The following SPECC1 variants were observed in gnomAD, a reference collection of about 807,000 sequenced individuals.
The protein encoded by SPECC1 is cytospin-B.
Under a neutral mutation model 104.1 loss-of-function variants are expected in SPECC1, and 62 were observed. The observed-to-expected ratio is 0.60, with a 90% CI of 0.49 to 0.74. The LOEUF (loss-of-function observed/expected upper bound fraction) is 0.74, where lower values mean the gene tolerates loss of function less well. SPECC1 is among the 30% of genes least tolerant of loss of function. The pLI is 0.00. For missense variants in SPECC1, 1,306 were observed against 1,310.5 expected (o/e 1.00, Z 0.05); for synonymous variants, 513 against 501.6 (o/e 1.02, Z -0.30).
At position 20,257,550 on chromosome 17, in the gene SPECC1, G is replaced by A; in HGVS notation, c.2780G>A (p.Gly927Glu). 1 of 1,613,538 alleles carries A rather than the reference G, an allele frequency of 6.2e-7. No individual in the cohort carries two copies. The highest frequency in any genetic ancestry group is 8.5e-7 in the Non-Finnish European group (1 of 1,179,860). The change falls in exon 11 of 15, where the codon GGG becomes GAG. Residue 927 changes from glycine to glutamate, a missense_variant. Around this residue, in one of 2 missense-constraint regions of SPECC1, gnomAD observed 1,177 missense variants for 1,139.9 expected, o/e 1.03. Transcript: ENST00000395527. Reference protein sequence around the residue: ...SLSRPPSLGFGDTRLLSASTR... With the variant: ...SLSRPPSLGFEDTRLLSASTR... Reference sequence around the variant, plus strand: ...AGCAGACCCCCGTCTCTGGGCTTTGGGGACACAAGACTGCTGAGTGCTTCC... The same window carrying A: ...AGCAGACCCCCGTCTCTGGGCTTTGAGGACACAAGACTGCTGAGTGCTTCC...
At chr17:20,153,468 A>C (rs1428836723) in intron 3 of SPECC1, among the ~76,000 whole-genome samples, 1 of 152,198 alleles carries the variant, frequency 6.6e-6, no homozygotes, top group Non-Finnish European at 1.5e-5. Flanking sequence ...GGAGCAATTT[A>C]AGTAGCAGCG....
In SPECC1 at chr17:20,314,692, T is replaced by TCCC. The variant is rs398041591; in HGVS notation, c.*633_*635dup. 58 of 151,546 alleles carry TCCC rather than the reference T, an allele frequency of 3.8e-4. No individual in the cohort carries two copies. The highest frequency in any genetic ancestry group is 1.0e-3 in the African/African-American group (32 of 31,096). The allele number at this position is 151,546 out of a possible 1,614,324, so 9.4% of individuals were successfully genotyped here. A position where few individuals can be genotyped will look rare whatever the true frequency, so the allele number is the denominator to read the frequency against. On this transcript the variant is annotated 3_prime_UTR_variant, in exon 15 of 15. Transcript: ENST00000395527. ...CCCTTGTGAACCCTCCCTTCCCCCC[T>TCCC]CCCCCCCCAAAAAAAAACAACAAAA...
At chr17:20,090,067 TAGG>T (rs2047337905) in intron 1 of SPECC1, among the ~76,000 whole-genome samples, 1 of 152,288 alleles carries the variant, frequency 6.6e-6, no homozygotes, top group East Asian at 1.9e-4. Context: ...CGTCTCAGAC[TAGG>T]AGAAGATTTT....
At chr17:20,018,234 T>G (rs1288819072) in intron 1 of SPECC1, 1 of 152,246 alleles carries the variant, frequency 6.6e-6, no homozygotes, top group African/African-American at 2.4e-5. Context: ...TTTGCTCAGG[T>G]AATCTGGTTC....
intron 1 of SPECC1, among the ~76,000 whole-genome samples, chr17:20,073,124 A>G (rs1240911520): frequency 6.6e-6 from 1 of 152,140 alleles, no homozygotes; most frequent in Admixed American, 6.5e-5. Flanking sequence ...GGAGTTTCCG[A>G]TGCCTACCTT....
rs780950066 is a variant in SPECC1, at chr17:20,247,255, C to T, written c.2534C>T (p.Pro845Leu). The change falls in exon 9 of 15, where the codon CCC becomes CTC. Residue 845 changes from proline (P) to leucine (L), a missense_variant. Around this residue, in one of 2 missense-constraint regions of SPECC1, gnomAD observed 1,177 missense variants for 1,139.9 expected, o/e 1.03. Transcript: ENST00000395527. ...CAGAATATTTCTGTCCATAAGACCCCCAGAAGTCCCCTAAGTGGGATACCA... is the reference window on the plus strand; with the variant it reads ...CAGAATATTTCTGTCCATAAGACCCTCAGAAGTCCCCTAAGTGGGATACCA... ...AGQNISVHKT[P>L]RSPLSGIPVR... 1.2e-6 allele frequency: 2 copies of T among 1,613,704 alleles called. No homozygotes were observed. The highest frequency in any genetic ancestry group is 1.7e-6 in the Non-Finnish European group (2 of 1,179,836).
chr17:20,267,596 T>A (rs1330652841), intron 12 of SPECC1, among the ~76,000 whole-genome samples: 1 of 151,844 alleles, frequency 6.6e-6, no homozygotes, highest in Non-Finnish European at 1.5e-5. Context: ...ATTCAAAGCA[T>A]GAGAAGGACT....
chr17:20,137,652 A>G (rs1205179282), intron 3 of SPECC1, among the ~76,000 whole-genome samples: 2 of 152,070 alleles, frequency 1.3e-5, no homozygotes, highest in African/African-American at 2.4e-5. Context: ...TTTTAAAATT[A>G]AATCTTTATT....
chr17:20,050,880 A>G lies in SPECC1; in HGVS notation c.-22+41456A>G, dbSNP rs150178457. 2.8e-3 allele frequency among the ~76,000 whole-genome samples: 419 copies of G among 152,334 alleles called. 1 individual carries two copies. Among genetic ancestry groups the G allele is most frequent in the African/African-American group, 8.8e-3 (365 of 41,584 alleles). On this transcript the variant is annotated intron_variant, in intron 1 of 14. Transcript: ENST00000395527. ...AGGGAAAAAGTTACTAGTAACTCTT[A>G]GAAAACTAATGCATACATGAGCTGG...
chr17:20,229,581 G>A (rs9901484), intron 5 of SPECC1, among the ~76,000 whole-genome samples: 18,123 of 152,234 alleles, frequency 0.12, 1,113 homozygotes, highest in Non-Finnish European at 0.13. Flanking sequence ...GGCTGAGGTG[G>A]GAGGATCCCT....
At chr17:20,081,176 C>T (rs2046958516) in intron 1 of SPECC1, among the ~76,000 whole-genome samples, 1 of 152,046 alleles carries the variant, frequency 6.6e-6, no homozygotes, top group South Asian at 2.1e-4. Flanking sequence ...CAATTGATAT[C>T]TGGTATTTTC....
chr17:20,126,104 T>C (rs2049289822), intron 3 of SPECC1, among the ~76,000 whole-genome samples: 1 of 152,170 alleles, frequency 6.6e-6, no homozygotes, highest in Admixed American at 6.5e-5. Flanking sequence ...GCCAACTCTT[T>C]CCATCCAGGT....
Position 20,314,227 on chromosome 17 carries a change from G to T in SPECC1, c.*162G>T. The stretch of plus-strand genomic sequence containing the variant: ...CAACACCCAAATAAGAAACAGAGTG[G>T]GTCCCACGATGTACCTGTCTGAAAT... On this transcript the variant is annotated 3_prime_UTR_variant, in exon 15 of 15. Transcript: ENST00000395527. The T allele has an allele frequency of 1.6e-6, 1 of 644,190 alleles. No individual in the cohort carries two copies. Among genetic ancestry groups the T allele is most frequent in the South Asian group, 1.8e-5 (1 of 56,574 alleles). 39.9% of individuals were successfully genotyped at this position (644,190 alleles called of 1,614,324 possible).
At chr17:20,239,309 T>TC (rs1460407604) in intron 7 of SPECC1, 1 of 1,009,918 alleles carries the variant, frequency 9.9e-7, no homozygotes, top group African/African-American at 1.7e-5. Flanking sequence ...ATCTTTCTTC[T>TC]CCCTCAGTAC....
chr17:20,122,086 T>A (rs2049062325), intron 3 of SPECC1, among the ~76,000 whole-genome samples: 1 of 152,084 alleles, frequency 6.6e-6, no homozygotes, highest in South Asian at 2.1e-4. Flanking sequence ...CAGGCAGAGA[T>A]GACGGCTGGC....
chr17:20,033,792 A>C (rs1202353300), intron 1 of SPECC1, among the ~76,000 whole-genome samples: 3 of 152,202 alleles, frequency 2.0e-5, no homozygotes, highest in African/African-American at 7.2e-5. Flanking sequence ...AAATTTCAAC[A>C]TGAGACTCGG....
chr17:20,307,964 A>G (rs1485728806), intron 14 of SPECC1, among the ~76,000 whole-genome samples: 1 of 152,250 alleles, frequency 6.6e-6, no homozygotes, highest in Non-Finnish European at 1.5e-5. Context: ...ATAAAAATAC[A>G]ACCTAGTAGG....
chr17:20,103,491 G>A (rs2048039364), intron 2 of SPECC1, among the ~76,000 whole-genome samples: 1 of 152,176 alleles, frequency 6.6e-6, no homozygotes, highest in South Asian at 2.1e-4. Context: ...AAAGATGTAC[G>A]TCCAGCCTCT....
intron 13 of SPECC1, among the ~76,000 whole-genome samples, chr17:20,298,948 A>AGAGTGTGTGTGTGTGTGTGTGTGTGT: frequency 3.3e-4 from 16 of 49,072 alleles, no homozygotes; most frequent in South Asian, 1.3e-3. Flanking sequence ...AGAGAGAGAG[A>AGAGTGTGTGTGTGTGTGTGTGTGTGT]GTGTGTGTGT....
Sources: gnomAD v4.1 joint callset for allele counts (sites outside exome capture counted in the v4.1 genomes callset) on GRCh38, gnomAD v4.1.1 for gene constraint, gnomAD v4.1.1 regional missense constraint, MANE v1.5 for transcripts, NCBI Gene and HGNC (gene_info 2026-07-23, HGNC 2026-07-21) for gene names.